MYBPC3: variants seen among roughly 807,000 people sequenced by gnomAD.
The protein encoded by MYBPC3 is myosin binding protein C3.
In MYBPC3, 108 loss-of-function variants were observed where a neutral mutation model predicts 159.3. That is an observed-to-expected ratio of 0.68 (90% CI 0.58 to 0.80). MYBPC3 has a LOEUF of 0.80. Among genes scored for constraint, MYBPC3 ranks in the 30% least tolerant of loss-of-function variants. MYBPC3 has a pLI of 0.00. For synonymous variants in MYBPC3, 730 were observed against 702.0 expected (o/e 1.04, Z -0.63); for missense variants, 1,631 against 1,762.1 (o/e 0.93, Z 1.33).
At chr11:47,337,166 TGA>T (rs1356585942) in intron 25 of MYBPC3, among the ~76,000 whole-genome samples, 1 of 152,146 alleles carries the variant, frequency 6.6e-6, no homozygotes, top group Non-Finnish European at 1.5e-5. Context: ...CGGCGTAGTG[TGA>T]GAGTCAGCTC....
Position 47,346,259 on chromosome 11 carries a change from G to A in MYBPC3, c.1038C>T (p.Arg346=), listed in dbSNP as rs758016271. Reference sequence around the variant, plus strand: ...TGCCCTTGAGCCTCTTTAGCATGCCGCGCAGGTCAGTGACGCCGTACTGGA... The same window carrying A: ...TGCCCTTGAGCCTCTTTAGCATGCCACGCAGGTCAGTGACGCCGTACTGGA... The part of the protein sequence containing the change: ...IAFQYGVTDL[R]GMLKRLKGMR... Residue 346 remains arginine (R), a synonymous_variant, in exon 12 of 35, where the codon CGC becomes CGT. Transcript: ENST00000545968. The surrounding 1 kb of genome is among the most constrained non-coding windows in gnomAD (Gnocchi z 5.3). 3.1e-6 allele frequency: 5 copies of A among 1,613,750 alleles called. No individual in the cohort carries two copies. Among genetic ancestry groups the A allele is most frequent in the African/African-American group, 2.7e-5 (2 of 74,924 alleles).
chr11:47,348,953 GC>G (rs2095897531), intron 5 of MYBPC3, among the ~76,000 whole-genome samples: 2 of 74,490 alleles, frequency 2.7e-5, no homozygotes, highest in Non-Finnish European at 6.1e-5. Context: ...AGTGACAAAT[GC>G]TCATCGATCT....
rs752062035 is a variant in MYBPC3 at position 47,347,919 on chromosome 11, G to A, written c.773-14C>T. 16 of 1,571,234 alleles carry A rather than the reference G, an allele frequency of 1.0e-5. No individual in the cohort carries two copies. The East Asian group carries it at 3.8e-4, about 37-fold the overall frequency. The stretch of plus-strand genomic sequence containing the variant: ...TGCCCATGGCCTCTGGGTTCAAAGG[G>A]TGGAGAGATGGGGGAAGGGGCTTCA... On this transcript the variant is annotated splice_polypyrimidine_tract_variant and intron_variant, in intron 6 of 34. Coordinates refer to ENST00000545968, the MANE Select transcript of MYBPC3 (RefSeq NM_000256.3).
Position 47,346,201 on chromosome 11 carries a change from G to A in MYBPC3, c.1090+6C>T. ...CCTCTCCTCTCCCCTCTGAGGAAGG[G>A]CTAACCTGTGCTCTTCTTCTCATCG... On this transcript the variant is annotated splice_donor_region_variant and intron_variant, in intron 12 of 34. Transcript: ENST00000545968. This position sits in a 1 kb window ranked among gnomAD's most constrained non-coding sequence, Gnocchi z 5.3. 1.2e-6 allele frequency: 2 copies of A among 1,613,684 alleles called. No individual in the cohort carries two copies. Among genetic ancestry groups the A allele is most frequent in the Non-Finnish European group, 1.7e-6 (2 of 1,179,794 alleles).
Position 47,332,701 on chromosome 11 carries a change from G to A in MYBPC3, c.3492C>T (p.Gly1164=), listed in dbSNP as rs779273875. 3.7e-6 allele frequency: 6 copies of A among 1,607,052 alleles called. No individual in the cohort carries two copies. Among genetic ancestry groups the A allele is most frequent in the Non-Finnish European group, 8.5e-7 (1 of 1,176,614 alleles). Reference sequence around the variant, plus strand: ...TATAGTTGGGTGGCTCATAGGTGATGCCTGTTGGTGACAGGACTTGGTACC... The same window carrying A: ...TATAGTTGGGTGGCTCATAGGTGATACCTGTTGGTGACAGGACTTGGTACC... ...TKEPVFIPRP[G]ITYEPPNYKA... is the part of the protein sequence containing the mutation. The change falls in exon 32 of 35, where the codon GGC becomes GGT. Residue 1164 remains glycine (G), a splice_region_variant and synonymous_variant. Transcript: ENST00000545968. The surrounding 1 kb of genome is among the most constrained non-coding windows in gnomAD (Gnocchi z 4.2).
intron 14 of MYBPC3, 24 bp downstream of exon 14, chr11:47,343,236 C>CA (rs1413824801): frequency 1.3e-6 from 2 of 1,572,698 alleles, no homozygotes; most frequent in Non-Finnish European, 1.7e-6. Context: ...CCCCCCACCC[C>CA]AAGCCATCCA....
In MYBPC3 at chr11:47,349,899, G is replaced by T. The variant is rs193922385; in HGVS notation, c.529C>A (p.Arg177Ser). Reference sequence around the variant, plus strand: ...TTCAGGAGGCTGGCGCCGGCCACGCGGGCTGAGAAGGTGATGCTGCCACCT... The same window carrying T: ...TTCAGGAGGCTGGCGCCGGCCACGCTGGCTGAGAAGGTGATGCTGCCACCT... ...TVGGSITFSA[R>S]VAGASLLKPP... Residue 177 changes from arginine (R) to serine (S), a missense_variant, in exon 5 of 35, where the codon CGC (arginine) becomes AGC (serine). By Grantham distance (110) the Arg-to-Ser change is moderately radical. Coordinates refer to ENST00000545968, the MANE Select transcript of MYBPC3 (RefSeq NM_000256.3). 2.5e-6 allele frequency: 4 copies of T among 1,607,192 alleles called. No individual in the cohort carries two copies. The highest frequency in any genetic ancestry group is 2.2e-5 in the East Asian group (1 of 44,526).
rs1187132376 is a variant in MYBPC3 at position 47,337,519 on chromosome 11, A to G, written c.2474T>C (p.Leu825Pro). The stretch of plus-strand genomic sequence containing the variant: ...CGCTTCATGACTCAGCTCCTGAATC[A>G]GGTCGAAGTTCAGCCGCATCCACCG... ...SYRWMRLNFDLIQELSHEARR... is the reference protein window; with the variant it reads ...SYRWMRLNFDPIQELSHEARR... The change falls in exon 25 of 35, where the codon CTG becomes CCG. Residue 825 changes from leucine to proline, a missense_variant. Physicochemically the swap from Leu to Pro is moderately conservative, Grantham distance 98. Coordinates refer to ENST00000545968, the MANE Select transcript of MYBPC3 (RefSeq NM_000256.3). The G allele has an allele frequency of 6.2e-7, 1 of 1,614,018 alleles. No homozygotes were observed. The highest frequency in any genetic ancestry group is 2.2e-5 in the East Asian group (1 of 44,886).
intron 2 of MYBPC3, among the ~76,000 whole-genome samples, chr11:47,350,870 C>T (rs1181131789): frequency 6.6e-6 from 1 of 152,216 alleles, no homozygotes; most frequent in Non-Finnish European, 1.5e-5. Context: ...CCAGGTCCAT[C>T]CCTGCTCTGC....
In MYBPC3 at chr11:47,338,810, C is replaced by T; in HGVS notation, c.2149-131G>A. On this transcript the variant is annotated intron_variant, in intron 22 of 34. Transcript: ENST00000545968. The surrounding 1 kb of genome is among the most constrained non-coding windows in gnomAD (Gnocchi z 4.7). ...TGTGGGAAGACTGCATCCACGTCAG[C>T]ATCTAGTTCAAAATCATCTCTGTGG... is the stretch of plus-strand genomic sequence containing the variant. 5 of 1,155,998 alleles carry T rather than the reference C, an allele frequency of 4.3e-6. No individual in the cohort carries two copies. The South Asian group carries it at 8.2e-5, about 19-fold the overall frequency. 71.6% of individuals were successfully genotyped at this position (1,155,998 alleles called of 1,614,324 possible). A position where few individuals can be genotyped will look rare whatever the true frequency, so the allele number is the denominator to read the frequency against.
At position 47,337,832 on chromosome 11, in the gene MYBPC3, C is replaced by T. The variant is rs369290626; in HGVS notation, c.2309-38G>A. ...GGATGGACCCACATCAGCCCTGCCCCGCTCAGGGCCTTGAGTAACGTTGCT... is the reference window on the plus strand; with the variant it reads ...GGATGGACCCACATCAGCCCTGCCCTGCTCAGGGCCTTGAGTAACGTTGCT... On this transcript the variant is annotated intron_variant, in intron 23 of 34. Coordinates refer to ENST00000545968, the MANE Select transcript of MYBPC3 (RefSeq NM_000256.3). 54 of 1,518,190 alleles carry T rather than the reference C, an allele frequency of 3.6e-5. No individual in the cohort carries two copies. The African/African-American group carries it at 4.3e-4, about 12-fold the overall frequency. The allele number at this position is 1,518,190 out of a possible 1,614,324, so 94.0% of individuals were successfully genotyped here.
Position 47,333,300 on chromosome 11 carries a change from G to A in MYBPC3, c.3224C>T (p.Thr1075Ile), listed in dbSNP as rs150786409. The change falls in exon 30 of 35, where the codon ACT (threonine) becomes ATT (isoleucine). Residue 1075 changes from threonine to isoleucine, a missense_variant. Thr to Ile is a moderately conservative substitution (Grantham distance 89). Coordinates refer to ENST00000545968, the MANE Select transcript of MYBPC3 (RefSeq NM_000256.3). ...AGCCACATTAAGACCCCAGGCGTCA[G>A]TCACCCGGAGATCCTGGGGAGGACT... Reference protein sequence around the residue: ...KPSPPQDLRVTDAWGLNVALE... With the variant: ...KPSPPQDLRVIDAWGLNVALE... 6.9e-6 allele frequency: 11 copies of A among 1,590,060 alleles called. No homozygotes were observed. The highest frequency in any genetic ancestry group is 9.4e-6 in the Non-Finnish European group (11 of 1,167,728).
intron 26 of MYBPC3, 85 bp from the exon 27 acceptor site, chr11:47,335,294 C>A: frequency 9.3e-7 from 1 of 1,080,772 alleles, no homozygotes; most frequent in Non-Finnish European, 1.3e-6. Context: ...TGATAGGAAT[C>A]TCCAGGATTT....
intron 6 of MYBPC3, 124 bp downstream of exon 6, chr11:47,348,300 G>T: frequency 1.4e-6 from 1 of 729,976 alleles, no homozygotes; most frequent in Non-Finnish European, 2.3e-6. Flanking sequence ...GTGCAGCACT[G>T]GGCACGTGGC....
Position 47,335,942 on chromosome 11 carries a change from C to A in MYBPC3, c.2672G>T (p.Arg891Leu). Residue 891 changes from arginine (R) to leucine (L), a missense_variant, in exon 26 of 35, where the codon CGG becomes CTG. Arg to Leu is a moderately radical substitution (Grantham distance 102). Transcript: ENST00000545968. ...VSDTTVSLKW[R>L]PPERVGAGGL... is the part of the protein sequence containing the mutation. ...TCCTGCTCCCACGCGCTCTGGGGGC[C>A]GCCACTTGAGGGAGACCGTGGTGTC... 1 of 1,563,186 alleles carries A rather than the reference C, an allele frequency of 6.4e-7. No individual in the cohort carries two copies. Among genetic ancestry groups the A allele is most frequent in the Admixed American group, 1.9e-5 (1 of 53,108 alleles).
At chr11:47,333,110 G>A (rs1286507992) in intron 30 of MYBPC3, 84 bp downstream of exon 30, 77 of 1,530,392 alleles carry the variant, frequency 5.0e-5, no homozygotes, top group Non-Finnish European at 5.1e-5. Context: ...AGGGGTCCAC[G>A]GTGAGGACAG....
At chr11:47,341,426 G>A (rs1401953938) in intron 18 of MYBPC3, among the ~76,000 whole-genome samples, 182 bp from the exon 19 acceptor site, 3 of 152,234 alleles carry the variant, frequency 2.0e-5, no homozygotes, top group Admixed American at 2.0e-4. Flanking sequence ...TGCCTTCAGA[G>A]GTAGGCAGCG....
At position 47,342,842 on chromosome 11, in the gene MYBPC3, G is replaced by A. The variant is rs370285346; in HGVS notation, c.1445C>T (p.Ala482Val). Reference sequence around the variant, plus strand: ...TTCTGGAACTCACCATTTGACTTGCGCCCCCTCCTCCGATACTTCACACTC... The same window carrying A: ...TTCTGGAACTCACCATTTGACTTGCACCCCCTCCTCCGATACTTCACACTC... ...EFECEVSEEG[A>V]QVKWLKDGVE... is the part of the protein sequence containing the mutation. The change falls in exon 16 of 35, where the codon GCG becomes GTG. Residue 482 changes from alanine to valine, a missense_variant. Coordinates refer to ENST00000545968, the MANE Select transcript of MYBPC3 (RefSeq NM_000256.3). 4.3e-5 allele frequency: 69 copies of A among 1,612,080 alleles called. No homozygotes were observed. Among genetic ancestry groups the A allele is most frequent in the Middle Eastern group, 1.6e-4 (1 of 6,080 alleles).
Position 47,346,695 on chromosome 11 carries a change from T to C in MYBPC3, c.909-51A>G, listed in dbSNP as rs773150936. 2.6e-6 allele frequency: 4 copies of C among 1,557,276 alleles called. No individual in the cohort carries two copies. In the South Asian group the frequency reaches 3.6e-5, roughly 14 times the overall value. On this transcript the variant is annotated intron_variant, in intron 10 of 34. Coordinates refer to ENST00000545968, the MANE Select transcript of MYBPC3 (RefSeq NM_000256.3). This position sits in a 1 kb window ranked among gnomAD's most constrained non-coding sequence, Gnocchi z 5.3. ...AAGGGTAGGTGGCACATGAGAGGTA[T>C]GGCCACCTTCCCTCAAAGACCTGGA... is the stretch of plus-strand genomic sequence containing the variant.
Sources: gnomAD v4.1 joint callset for allele counts (sites outside exome capture counted in the v4.1 genomes callset) on GRCh38, gnomAD v4.1.1 for gene constraint, Gnocchi (gnomAD v3.1) non-coding constraint, MANE v1.5 for transcripts, NCBI Gene and HGNC (gene_info 2026-07-23, HGNC 2026-07-21) for gene names.